Variants in PPIL4 observed in about 807,000 individuals in gnomAD.
The protein encoded by PPIL4 is peptidyl-prolyl cis-trans isomerase-like 4.
PPIL4 carries 50 observed loss-of-function variants against 69.1 expected under a neutral mutation model. The ratio of observed to expected loss-of-function variants is 0.72; its 90% CI spans 0.58 to 0.92. PPIL4 has a LOEUF of 0.92. PPIL4 is among the 40% of genes least tolerant of loss of function. The pLI, the probability that PPIL4 is intolerant of heterozygous loss-of-function variation, is 0.00. For missense variants in PPIL4, 480 were observed against 587.9 expected (o/e 0.82, Z 1.90); for synonymous variants, 193 against 191.6 (o/e 1.01, Z -0.06).
At chr6:149,512,082 T>C (rs759764488) in intron 12 of PPIL4, 73 bp downstream of exon 12, 2 of 1,274,308 alleles carry the variant, frequency 1.6e-6, no homozygotes, top group Non-Finnish European at 2.2e-6. Flanking sequence ...TCCTAAATTA[T>C]ATCACTAAGA....
intron 12 of PPIL4, among the ~76,000 whole-genome samples, chr6:149,508,810 G>T (rs1052150483): frequency 1.3e-5 from 2 of 152,058 alleles, no homozygotes; most frequent in Non-Finnish European, 2.9e-5. Context: ...AAACGTTTTC[G>T]AATTGATTAG....
intron 1 of PPIL4, 113 bp from the exon 2 acceptor site, chr6:149,541,699 CAAAT>C: frequency 1.6e-6 from 1 of 634,398 alleles, no homozygotes; most frequent in Non-Finnish European, 2.7e-6. Flanking sequence ...AAAAAAAAGT[CAAAT>C]GTCCAAAGCT....
chr6:149,540,060 C>T (rs1562262808), intron 4 of PPIL4, among the ~76,000 whole-genome samples: 1 of 150,566 alleles, frequency 6.6e-6, no homozygotes, highest in African/African-American at 2.4e-5. Context: ...ACCTGAGAGG[C>T]GGAGGTTGCA....
intron 1 of PPIL4, among the ~76,000 whole-genome samples, chr6:149,545,565 G>C (rs1466331780): frequency 6.6e-6 from 1 of 152,112 alleles, no homozygotes; most frequent in East Asian, 1.9e-4. Flanking sequence ...TACACACCAA[G>C]CAATAGTTCC....
rs892965052 is a variant in PPIL4 at position 149,504,552 on chromosome 6, A to C, written c.*901T>G. Among the ~76,000 whole-genome samples, 5 of 152,228 alleles carry C rather than the reference A, an allele frequency of 3.3e-5. 1 individual carries two copies. The South Asian group carries it at 1.0e-3, about 32-fold the overall frequency. Reference sequence around the variant, plus strand: ...CAGAAAACCTTAAAAGCAGCCAGGAAAAAAATGACATCTTACACATGGAAG... The same window carrying C: ...CAGAAAACCTTAAAAGCAGCCAGGACAAAAATGACATCTTACACATGGAAG... On this transcript the variant is annotated 3_prime_UTR_variant, in exon 13 of 13. Transcript: ENST00000253329.
chr6:149,534,686 G>A lies in PPIL4; in HGVS notation c.553C>T (p.Gln185Ter). 1 of 1,525,150 alleles carries A rather than the reference G, an allele frequency of 6.6e-7. No homozygotes were observed. Among genetic ancestry groups the A allele is most frequent in the Non-Finnish European group, 9.0e-7 (1 of 1,108,726 alleles). The allele number at this position is 1,525,150 out of a possible 1,614,324, so 94.5% of individuals were successfully genotyped here. A position where few individuals can be genotyped will look rare whatever the true frequency, so the allele number is the denominator to read the frequency against. ...PDRSPEPTRE[Q>*]LDSGRIGADE... ...AAGAGGGCTTTACTTACATCTAATT[G>A]TTCCCTTGTAGGTTCTGGTGATCGA... Residue 185 changes from glutamine to a stop codon, truncating the protein, a stop_gained, in exon 6 of 13, where the codon CAA becomes TAA. Transcript: ENST00000253329. LOFTEE classifies it high-confidence loss of function.
intron 12 of PPIL4, among the ~76,000 whole-genome samples, chr6:149,510,056 G>A (rs1776819939): frequency 6.6e-6 from 1 of 151,810 alleles, no homozygotes; most frequent in South Asian, 2.1e-4. Flanking sequence ...CACTGCACCT[G>A]GCCTACTACT....
rs944827092 is a variant in PPIL4 at position 149,504,951 on chromosome 6, C to T, written c.*502G>A. ...AACATTTTGCCATTTATATAAAATT[C>T]AGAAACATACAAAATTAACATTTCA... On this transcript the variant is annotated 3_prime_UTR_variant, in exon 13 of 13. Transcript: ENST00000253329. 2 of 152,198 alleles carry T rather than the reference C, an allele frequency of 1.3e-5. No individual in the cohort carries two copies. The highest frequency in any genetic ancestry group is 2.9e-5 in the Non-Finnish European group (2 of 68,134). 9.4% of individuals were successfully genotyped at this position (152,198 alleles called of 1,614,324 possible).
intron 1 of PPIL4, 96 bp downstream of exon 1, chr6:149,545,840 C>G: frequency 1.7e-6 from 2 of 1,179,664 alleles, no homozygotes; most frequent in Non-Finnish European, 1.2e-6. Flanking sequence ...GAAGCTCGAG[C>G]TCTAGCCAAT....
At chr6:149,531,629 A>G (rs545309526) in intron 7 of PPIL4, among the ~76,000 whole-genome samples, 59 of 152,280 alleles carry the variant, frequency 3.9e-4, no homozygotes, top group African/African-American at 1.4e-3. Flanking sequence ...TATAAAAGAT[A>G]TTATTAGAAC....
chr6:149,525,490 T>C (rs1777093056), intron 8 of PPIL4, among the ~76,000 whole-genome samples: 1 of 152,236 alleles, frequency 6.6e-6, no homozygotes, highest in Non-Finnish European at 1.5e-5. Context: ...AATTTTCCTT[T>C]GGCAAAAGTA....
intron 11 of PPIL4, among the ~76,000 whole-genome samples, chr6:149,514,742 T>A (rs12525448): frequency 6.9e-6 from 1 of 145,140 alleles, no homozygotes; most frequent in Non-Finnish European, 1.5e-5. Flanking sequence ...AAAAAAATTT[T>A]ATTTTATTAA....
chr6:149,531,004 T>A (rs1480124083), intron 7 of PPIL4, among the ~76,000 whole-genome samples: 2 of 152,184 alleles, frequency 1.3e-5, no homozygotes, highest in African/African-American at 2.4e-5. Flanking sequence ...ACTCACGTAC[T>A]ATTTCGGCTG....
intron 9 of PPIL4, among the ~76,000 whole-genome samples, chr6:149,522,664 G>A (rs1777046188): frequency 6.6e-6 from 1 of 152,116 alleles, no homozygotes; most frequent in Admixed American, 6.5e-5. Context: ...CCAGGTTGGA[G>A]TGCAGTGGTG....
intron 11 of PPIL4, among the ~76,000 whole-genome samples, chr6:149,516,567 G>A (rs937578065): frequency 6.6e-6 from 1 of 152,152 alleles, no homozygotes; most frequent in Non-Finnish European, 1.5e-5. Flanking sequence ...CTCTTGCAAT[G>A]TGTGGAGTGA....
intron 11 of PPIL4, among the ~76,000 whole-genome samples, chr6:149,513,188 C>A (rs1246007373): frequency 1.4e-5 from 2 of 147,560 alleles, no homozygotes; most frequent in African/African-American, 4.9e-5. Flanking sequence ...GAGTTCGAGA[C>A]CAGCCTGGCC....
intron 5 of PPIL4, among the ~76,000 whole-genome samples, chr6:149,535,225 G>A (rs1007517012): frequency 4.6e-5 from 7 of 152,060 alleles, no homozygotes; most frequent in South Asian, 2.1e-4. Context: ...GTGTGGTGGC[G>A]GGCGCCTGTA....
intron 10 of PPIL4, 137 bp downstream of exon 10, chr6:149,520,923 G>C (rs1777020511): frequency 3.5e-6 from 2 of 563,884 alleles, no homozygotes; most frequent in South Asian, 4.1e-5. Flanking sequence ...TGAGGCATGA[G>C]AATGGCTTGA....
intron 4 of PPIL4, among the ~76,000 whole-genome samples, chr6:149,538,634 C>T (rs1430414571): frequency 1.3e-5 from 2 of 152,074 alleles, no homozygotes; most frequent in Non-Finnish European, 2.9e-5. Context: ...TCAACATTAA[C>T]AGAAGTTAAG....
Sources: allele counts gnomAD v4.1 joint callset (sites outside exome capture counted in the v4.1 genomes callset), GRCh38; gene constraint gnomAD v4.1.1; transcripts MANE v1.5; gene names NCBI Gene and HGNC (gene_info 2026-07-23, HGNC 2026-07-21).